The following EFHB variants were observed in gnomAD, a reference collection of about 807,000 sequenced individuals.
EFHB encodes EF-hand domain family member B, also known as EF-hand domain-containing family member B.
In EFHB, 91 loss-of-function variants were observed where a neutral mutation model predicts 87.2. The ratio of observed to expected loss-of-function variants is 1.04; its 90% CI spans 0.88 to 1.24. The LOEUF is 1.24. EFHB is among the 50% of genes most tolerant of loss of function. The pLI, the probability that EFHB is intolerant of heterozygous loss-of-function variation, is 0.00. For missense variants in EFHB, 1,084 were observed against 998.8 expected (o/e 1.09, Z -1.15); for synonymous variants, 325 against 333.6 (o/e 0.97, Z 0.28).
upstream of EFHB, chr3:19,934,365 C>T (rs1038705619): frequency 9.2e-6 from 7 of 758,734 alleles, no homozygotes; most frequent in African/African-American, 1.3e-4. Context: ...TCTCTCTCCC[C>T]TCTTCTCTCT....
chr3:19,920,207 AT>A (rs1695390045), intron 2 of EFHB, among the ~76,000 whole-genome samples: 1 of 152,198 alleles, frequency 6.6e-6, no homozygotes, highest in African/African-American at 2.4e-5. Context: ...TAAACAACAT[AT>A]TTTAAATGTT....
rs1337745631 is a variant in EFHB at position 19,908,586 on chromosome 3, GAGAGAGAGAGAGAGAAAGAA to G, written c.1289-2857_1289-2838del. Among the ~76,000 whole-genome samples the G allele has an allele frequency of 4.5e-4, 46 of 101,592 alleles. 1 individual carries two copies. Among genetic ancestry groups the G allele is most frequent in the African/African-American group, 1.8e-3 (42 of 23,506 alleles). The allele number at this position is 101,592 out of a possible 152,430, so 66.6% of individuals were successfully genotyped here. On this transcript the variant is annotated intron_variant, in intron 5 of 12. Transcript: ENST00000295824. ...AAAGAGAGAGAGAGAGAGAGAGAGA[GAGAGAGAGAGAGAGAAAGAA>G]AGAAAGAAAGAAAGAAAGAAAGAAA...
chr3:19,914,552 A>AATC (rs1695163249), intron 5 of EFHB, among the ~76,000 whole-genome samples: 1 of 152,198 alleles, frequency 6.6e-6, no homozygotes, highest in Non-Finnish European at 1.5e-5. Context: ...TAATAATAAT[A>AATC]ATAGCTAATA....
chr3:19,902,624 T>TCCCAG (rs1694710600), intron 6 of EFHB, among the ~76,000 whole-genome samples: 1 of 151,836 alleles, frequency 6.6e-6, no homozygotes, highest in South Asian at 2.1e-4. Flanking sequence ...AGTGCTGGGA[T>TCCCAG]TACAGGCATG....
chr3:19,939,197 T>C (rs559884500), upstream of EFHB, among the ~76,000 whole-genome samples: 17 of 151,962 alleles, frequency 1.1e-4, no homozygotes, highest in African/African-American at 4.1e-4. Context: ...CGAGTCAACA[T>C]GCCCAGCCTA....
intron 1 of EFHB, among the ~76,000 whole-genome samples, chr3:19,931,144 T>C (rs1001725630): frequency 1.3e-5 from 2 of 151,912 alleles, no homozygotes; most frequent in African/African-American, 2.4e-5. Context: ...GCCTGGGTGA[T>C]GGAGTGAGAC....
intron 3 of EFHB, 94 bp downstream of exon 3, chr3:19,919,739 G>T: frequency 8.1e-7 from 1 of 1,228,544 alleles, no homozygotes; most frequent in Non-Finnish European, 1.2e-6. Flanking sequence ...GGGTGGGAAG[G>T]AGATTGGAAC....
intron 1 of EFHB, among the ~76,000 whole-genome samples, chr3:19,939,894 A>G (rs1368061335): frequency 6.6e-6 from 1 of 152,188 alleles, no homozygotes; most frequent in Non-Finnish European, 1.5e-5. Context: ...ACTGGCATGG[A>G]TGACACTCTG....
chr3:19,885,974 C>T (rs73188430), intron 10 of EFHB, among the ~76,000 whole-genome samples: 2,525 of 152,252 alleles, frequency 0.017, 77 homozygotes, highest in African/African-American at 0.058. Flanking sequence ...CCCCTCTAGA[C>T]CTACTGACTA....
At chr3:19,924,565 G>T (rs1296805472) in intron 1 of EFHB, among the ~76,000 whole-genome samples, 6 of 152,108 alleles carry the variant, frequency 3.9e-5, no homozygotes, top group Non-Finnish European at 2.9e-5. Context: ...TGTACTCGTG[G>T]ATTTCTATTT....
chr3:19,886,588 A>C (rs527324621), intron 10 of EFHB, among the ~76,000 whole-genome samples: 2 of 149,304 alleles, frequency 1.3e-5, no homozygotes, highest in African/African-American at 5.0e-5. Context: ...AGGCAGGTGA[A>C]TCACTTGAGC....
At chr3:19,894,910 G>A (rs1482755529) in intron 9 of EFHB, 2 of 151,526 alleles carry the variant, frequency 1.3e-5, no homozygotes, top group African/African-American at 4.9e-5. Context: ...CTTGAACCTA[G>A]GAGGCGGAGG....
At chr3:19,885,373 A>G (rs1005079673) in intron 10 of EFHB, among the ~76,000 whole-genome samples, 1 of 152,220 alleles carries the variant, frequency 6.6e-6, no homozygotes, top group Non-Finnish European at 1.5e-5. Context: ...CAACATCAAG[A>G]GAGATGATAA....
intron 1 of EFHB, among the ~76,000 whole-genome samples, chr3:19,925,413 C>A (rs1695587420): frequency 6.6e-6 from 1 of 152,066 alleles, no homozygotes; most frequent in South Asian, 2.1e-4. Context: ...CCTCTAATCA[C>A]AATCCAACAC....
chr3:19,917,866 G>A (rs1363645355), intron 4 of EFHB, among the ~76,000 whole-genome samples: 2 of 152,094 alleles, frequency 1.3e-5, no homozygotes, highest in Non-Finnish European at 2.9e-5. Context: ...TAAAGAGTTC[G>A]GAGTCATGAA....
intron 6 of EFHB, among the ~76,000 whole-genome samples, chr3:19,904,243 T>C (rs768484802): frequency 6.6e-6 from 1 of 152,152 alleles, no homozygotes; most frequent in Non-Finnish European, 1.5e-5. Flanking sequence ...CTATAAGAAA[T>C]TACCAAAAAC....
At position 19,882,840 on chromosome 3, in the gene EFHB, A is replaced by C. The variant is rs112678340; in HGVS notation, c.2147-109T>G. Reference sequence around the variant, plus strand: ...AGCACTTAAAATGTAGCTAGGAAGAATTTTGGTGTATTCCAAATGTAAAAT... The same window carrying C: ...AGCACTTAAAATGTAGCTAGGAAGACTTTTGGTGTATTCCAAATGTAAAAT... On this transcript the variant is annotated intron_variant, in intron 11 of 12. Transcript: ENST00000295824. 318 of 928,576 alleles carry C rather than the reference A, an allele frequency of 3.4e-4. No individual in the cohort carries two copies. In the African/African-American group the frequency reaches 4.8e-3, roughly 14 times the overall value. 57.5% of individuals were successfully genotyped at this position (928,576 alleles called of 1,614,324 possible).
chr3:19,913,047 T>A (rs1040142636), intron 5 of EFHB, among the ~76,000 whole-genome samples: 24 of 152,164 alleles, frequency 1.6e-4, no homozygotes, highest in African/African-American at 5.8e-4. Context: ...TAGCAGTGGC[T>A]AATGCCTGTA....
chr3:19,887,198 T>C (rs1694130760), intron 10 of EFHB, among the ~76,000 whole-genome samples: 1 of 151,748 alleles, frequency 6.6e-6, no homozygotes, highest in Non-Finnish European at 1.5e-5. Flanking sequence ...CTGGGCAACA[T>C]GGTGAAACCC....
Sources: gnomAD v4.1 joint callset for allele counts (sites outside exome capture counted in the v4.1 genomes callset) on GRCh38, gnomAD v4.1.1 for gene constraint, MANE v1.5 for transcripts, NCBI Gene and HGNC (gene_info 2026-07-23, HGNC 2026-07-21) for gene names.